The following RAD51D variants were observed in gnomAD, a reference collection of about 807,000 sequenced individuals.
RAD51D encodes RAD51 paralog D.
In RAD51D, 38 loss-of-function variants were observed where a neutral mutation model predicts 44.1. That is an observed-to-expected ratio of 0.86 (90% confidence interval 0.67 to 1.13). The LOEUF (loss-of-function observed/expected upper bound fraction) is 1.13. Among genes scored for constraint, RAD51D ranks in the 50% most tolerant of loss-of-function variants. The probability of loss-of-function intolerance (pLI) is 0.00; values close to 1 mark genes in which losing one functional copy is unlikely to be tolerated. For missense variants in RAD51D, 390 were observed against 414.0 expected (o/e 0.94, Z 0.50); for synonymous variants, 141 against 166.6 (o/e 0.85, Z 1.18).
intron 8 of RAD51D, 84 bp from the exon 9 acceptor site, chr17:35,101,449 C>G (rs2142413226): frequency 6.9e-7 from 1 of 1,447,688 alleles, no homozygotes; most frequent in Non-Finnish European, 9.6e-7. Flanking sequence ...GAGAGGAAAA[C>G]AGAGGCCTAG....
chr17:35,116,628 G>A (rs2091751427), intron 3 of RAD51D, among the ~76,000 whole-genome samples: 2 of 152,014 alleles, frequency 1.3e-5, no homozygotes, highest in Non-Finnish European at 2.9e-5. Context: ...CCGAGTAGCT[G>A]GGACTACAGG....
Position 35,119,806 on chromosome 17 carries a change from C to A in RAD51D, c.-193G>T. 3 of 705,680 alleles carry A rather than the reference C, an allele frequency of 4.3e-6. No individual in the cohort carries two copies. Among genetic ancestry groups the A allele is most frequent in the Non-Finnish European group, 7.6e-6 (3 of 393,752 alleles). 43.7% of individuals were successfully genotyped at this position (705,680 alleles called of 1,614,324 possible). The stretch of plus-strand genomic sequence containing the variant: ...GGGTCATCCGCCCGCCCGGGATCCG[C>A]CGGGATTCCCGCGCCCAGAGCCCGC... On this transcript the variant is annotated 5_prime_UTR_variant, in exon 1 of 10. Coordinates refer to ENST00000345365, the MANE Select transcript of RAD51D (RefSeq NM_002878.4).
chr17:35,114,116 C>G (rs563988932), intron 3 of RAD51D, among the ~76,000 whole-genome samples: 1 of 151,874 alleles, frequency 6.6e-6, no homozygotes, highest in Non-Finnish European at 1.5e-5. Flanking sequence ...ACTAAAAATA[C>G]AAAAAATTAG....
In RAD51D at chr17:35,119,745, G is replaced by A. The variant is rs745721591; in HGVS notation, c.-132C>T. On this transcript the variant is annotated 5_prime_UTR_variant, in exon 1 of 10. Transcript: ENST00000345365. The stretch of plus-strand genomic sequence containing the variant: ...GGCGCGCTGGCTGCCGGAGGAGAAA[G>A]GAGAGAGGAGGAGGCGGCACCAAGG... 11 of 861,364 alleles carry A rather than the reference G, an allele frequency of 1.3e-5. No homozygotes were observed. The South Asian group carries it at 1.5e-4, about 12-fold the overall frequency. The allele number at this position is 861,364 out of a possible 1,614,324, so 53.4% of individuals were successfully genotyped here.
At position 35,116,804 on chromosome 17, in the gene RAD51D, A is replaced by G. The variant is rs2091754047; in HGVS notation, c.263+1697T>C. 7 of 1,374,994 alleles carry G rather than the reference A, an allele frequency of 5.1e-6. 1 individual carries two copies. In the South Asian group the frequency reaches 8.7e-5, roughly 17 times the overall value. The allele number at this position is 1,374,994 out of a possible 1,614,324, so 85.2% of individuals were successfully genotyped here. A position where few individuals can be genotyped will look rare whatever the true frequency, so the allele number is the denominator to read the frequency against. ...CCACTGCGCCCGGCCTAGAATGATG[A>G]TTTAAACAGTAACATGCTCATTGGT... On this transcript the variant is annotated intron_variant, in intron 3 of 9. Transcript: ENST00000345365.
At chr17:35,119,270 C>G in intron 1 of RAD51D, 98 bp from the exon 2 acceptor site, 1 of 1,186,548 alleles carries the variant, frequency 8.4e-7, no homozygotes. Flanking sequence ...ATTCTACCCC[C>G]CGGCAGGCCG....
At position 35,103,378 on chromosome 17, in the gene RAD51D, C is replaced by A. The variant is rs1597858531; in HGVS notation, c.668-54G>T. On this transcript the variant is annotated intron_variant, in intron 7 of 9. Transcript: ENST00000345365. The surrounding 1 kb of genome is among the most constrained non-coding windows in gnomAD (Gnocchi z 4.1). ...GGGCAGTGGGGAACCAGGGATGGGG[C>A]TGGCCAGAGACCAGACTCCAGAGCT... 6.2e-7 allele frequency: 1 copy of A among 1,609,760 alleles called. No homozygotes were observed.
rs546351920 is a variant in RAD51D at position 35,100,615 on chromosome 17, G to A, written c.*338C>T. Reference sequence around the variant, plus strand: ...AGGAGGGAGCACAGGACACAATGGTGATGCACAGGATTATCCATCCAGTCG... The same window carrying A: ...AGGAGGGAGCACAGGACACAATGGTAATGCACAGGATTATCCATCCAGTCG... On this transcript the variant is annotated 3_prime_UTR_variant, in exon 10 of 10. Transcript: ENST00000345365. The A allele has an allele frequency of 1.8e-6, 1 of 553,578 alleles. No individual in the cohort carries two copies. Among genetic ancestry groups the A allele is most frequent in the South Asian group, 1.6e-5 (1 of 63,704 alleles). 34.3% of individuals were successfully genotyped at this position (553,578 alleles called of 1,614,324 possible). A position where few individuals can be genotyped will look rare whatever the true frequency, so the allele number is the denominator to read the frequency against.
At chr17:35,119,413 C>T (rs962451040) in intron 1 of RAD51D, 119 bp downstream of exon 1, 191 of 1,217,366 alleles carry the variant, frequency 1.6e-4, no homozygotes, top group Non-Finnish European at 2.2e-4. Context: ...AGAAGCGCGG[C>T]CCTCTAGGAA....
At chr17:35,101,947 G>A (rs564810325) in intron 8 of RAD51D, among the ~76,000 whole-genome samples, 1 of 152,210 alleles carries the variant, frequency 6.6e-6, no homozygotes, top group East Asian at 1.9e-4. Flanking sequence ...GTTTTACAAG[G>A]TGAAGAGTTA....
At chr17:35,114,611 G>A (rs1312703333) in intron 3 of RAD51D, among the ~76,000 whole-genome samples, 1 of 152,072 alleles carries the variant, frequency 6.6e-6, no homozygotes, top group African/African-American at 2.4e-5. Flanking sequence ...GACTGCCTGA[G>A]TCCAGGAGTT....
chr17:35,099,495 T>C lies in RAD51D; in HGVS notation c.*1458A>G, dbSNP rs1469203513. On this transcript the variant is annotated 3_prime_UTR_variant, in exon 10 of 10. Coordinates refer to ENST00000345365, the MANE Select transcript of RAD51D (RefSeq NM_002878.4). ...CCAATCACCCATGGTATAAAGATAC[T>C]GAAGATTAATTTCTCCTGAGGTCTT... 2 of 252,368 alleles carry C rather than the reference T, an allele frequency of 7.9e-6. No homozygotes were observed. The highest frequency in any genetic ancestry group is 1.0e-4 in the South Asian group (2 of 19,638). The allele number at this position is 252,368 out of a possible 1,614,324, so 15.6% of individuals were successfully genotyped here.
intron 3 of RAD51D, among the ~76,000 whole-genome samples, chr17:35,118,063 G>A (rs2091770316): frequency 6.6e-6 from 1 of 152,224 alleles, no homozygotes; most frequent in Non-Finnish European, 1.5e-5. Context: ...AGTAGGGCCA[G>A]AGAAGATGGT....
rs760691280 is a variant in RAD51D, at chr17:35,099,792, T to C, written c.*1161A>G. 2 of 468,548 alleles carry C rather than the reference T, an allele frequency of 4.3e-6. No homozygotes were observed. The highest frequency in any genetic ancestry group is 3.3e-5 in the South Asian group (2 of 60,718). The allele number at this position is 468,548 out of a possible 1,614,324, so 29.0% of individuals were successfully genotyped here. A position where few individuals can be genotyped will look rare whatever the true frequency, so the allele number is the denominator to read the frequency against. On this transcript the variant is annotated 3_prime_UTR_variant, in exon 10 of 10. Transcript: ENST00000345365. ...TGTGGCCAGTAACCAATCCTGATCA[T>C]TTCTGTACTTTTCCTTTTATTTTCC...
chr17:35,100,225 A>G lies in RAD51D; in HGVS notation c.*728T>C, dbSNP rs1206312498. On this transcript the variant is annotated 3_prime_UTR_variant, in exon 10 of 10. Coordinates refer to ENST00000345365, the MANE Select transcript of RAD51D (RefSeq NM_002878.4). Reference sequence around the variant, plus strand: ...CCTTTCTGTTAAATTATATCCCTGGAACTGCAGCGAGCCCACACGTTCTCA... The same window carrying G: ...CCTTTCTGTTAAATTATATCCCTGGGACTGCAGCGAGCCCACACGTTCTCA... 1 of 532,660 alleles carries G rather than the reference A, an allele frequency of 1.9e-6. No homozygotes were observed. The highest frequency in any genetic ancestry group is 2.2e-5 in the Admixed American group (1 of 44,980). 33.0% of individuals were successfully genotyped at this position (532,660 alleles called of 1,614,324 possible).
chr17:35,092,578 G>A lies in RAD51D; in HGVS notation c.*8375C>T, dbSNP rs938062044. 5.3e-5 allele frequency: 8 copies of A among 152,114 alleles called. No homozygotes were observed. Among genetic ancestry groups the A allele is most frequent in the Non-Finnish European group, 8.8e-5 (6 of 68,036 alleles). 9.4% of individuals were successfully genotyped at this position (152,114 alleles called of 1,614,324 possible). A position where few individuals can be genotyped will look rare whatever the true frequency, so the allele number is the denominator to read the frequency against. Reference sequence around the variant, plus strand: ...AGACATTACCTTGTCCAAGTAACTCGGCCAGAAAGGGACTAGCAGGGTTTT... The same window carrying A: ...AGACATTACCTTGTCCAAGTAACTCAGCCAGAAAGGGACTAGCAGGGTTTT... On this transcript the variant is annotated 3_prime_UTR_variant, in exon 10 of 10. Coordinates refer to ENST00000345365, the MANE Select transcript of RAD51D (RefSeq NM_002878.4).
rs549526837 is a variant in RAD51D at position 35,093,784 on chromosome 17, A to T, written c.*7169T>A. 1 of 152,382 alleles carries T rather than the reference A, an allele frequency of 6.6e-6. No individual in the cohort carries two copies. Among genetic ancestry groups the T allele is most frequent in the East Asian group, 1.9e-4 (1 of 5,194 alleles). 9.4% of individuals were successfully genotyped at this position (152,382 alleles called of 1,614,324 possible). A position where few individuals can be genotyped will look rare whatever the true frequency, so the allele number is the denominator to read the frequency against. On this transcript the variant is annotated 3_prime_UTR_variant, in exon 10 of 10. Coordinates refer to ENST00000345365, the MANE Select transcript of RAD51D (RefSeq NM_002878.4). The stretch of plus-strand genomic sequence containing the variant: ...TGCAATAGGACAAGAAAAAAATGAT[A>T]GAAAGCATTCAGGATCACTTTGGAT...
chr17:35,112,064 T>TTTTG (rs374564341), intron 3 of RAD51D, among the ~76,000 whole-genome samples: 5 of 152,164 alleles, frequency 3.3e-5, no homozygotes, highest in African/African-American at 7.2e-5. Context: ...GGCATTGTGT[T>TTTTG]TTTGTTTGTT....
chr17:35,104,636 G>C (rs1385252308), intron 6 of RAD51D, among the ~76,000 whole-genome samples: 1 of 152,052 alleles, frequency 6.6e-6, no homozygotes, highest in African/African-American at 2.4e-5. Context: ...TGGCCACTTT[G>C]GCCTCCCAAA....
Sources: allele counts gnomAD v4.1 joint callset (sites outside exome capture counted in the v4.1 genomes callset), GRCh38; gene constraint gnomAD v4.1.1; non-coding constraint Gnocchi (gnomAD v3.1); transcripts MANE v1.5; gene names NCBI Gene and HGNC (gene_info 2026-07-23, HGNC 2026-07-21).